Variants in ATP11A observed in about 807,000 individuals in gnomAD.
ATP11A encodes the protein phospholipid-transporting ATPase IH.
A neutral mutation model predicts 154.4 loss-of-function variants in ATP11A; 81 were observed. The observed-to-expected ratio is 0.52, with a 90% CI of 0.44 to 0.63. The LOEUF (loss-of-function observed/expected upper bound fraction) is 0.63, where lower values mean the gene tolerates loss of function less well. Among genes scored for constraint, ATP11A ranks in the 30% least tolerant of loss-of-function variants. ATP11A has a pLI of 0.00. For missense variants in ATP11A, 1,316 were observed against 1,474.3 expected (o/e 0.89, Z 1.76); for synonymous variants, 623 against 585.9 (o/e 1.06, Z -0.91).
chr13:112,754,536 C>T lies in ATP11A; in HGVS notation c.40-30599C>T. ...TTGGAAAGTGGTGCTTAGAGCCAGG[C>T]AGGACTCACTGCGGCTCCTGTGCTC... On this transcript the variant is annotated intron_variant, in intron 1 of 29. Coordinates refer to ENST00000375645, the MANE Select transcript of ATP11A (RefSeq NM_015205.3). This position sits in a 1 kb window ranked among gnomAD's most constrained non-coding sequence, Gnocchi z 5.3. 1 of 162,342 alleles carries T rather than the reference C, an allele frequency of 6.2e-6. No individual in the cohort carries two copies. The highest frequency in any genetic ancestry group is 1.7e-4 in the East Asian group (1 of 5,792). 10.1% of individuals were successfully genotyped at this position (162,342 alleles called of 1,614,324 possible).
At chr13:112,742,305 G>T (rs1891646124) in intron 1 of ATP11A, among the ~76,000 whole-genome samples, 1 of 152,170 alleles carries the variant, frequency 6.6e-6, no homozygotes, top group African/African-American at 2.4e-5. Context: ...TGTGGAAGGG[G>T]GTGCTGTCCT....
chr13:112,716,013 CAGGCTGGCTCTGTGGGGGCCTG>C (rs1408324721), intron 1 of ATP11A, among the ~76,000 whole-genome samples: 9 of 152,172 alleles, frequency 5.9e-5, no homozygotes, highest in Non-Finnish European at 1.3e-4. Flanking sequence ...CAGCTCTGGG[CAGGCTGGCTCTGTGGGGGCCTG>C]GGGGTGGCTC....
At chr13:112,835,869 C>T (rs926748297) in intron 15 of ATP11A, among the ~76,000 whole-genome samples, 3 of 152,256 alleles carry the variant, frequency 2.0e-5, no homozygotes, top group South Asian at 2.1e-4. Flanking sequence ...GGGAGGGAGT[C>T]GGTGCGTAGG....
At chr13:112,826,672 C>A in intron 11 of ATP11A, 22 bp from the exon 12 acceptor site, 1 of 1,607,704 alleles carries the variant, frequency 6.2e-7, no homozygotes, top group Non-Finnish European at 8.5e-7. Context: ...GAGGTGCTGA[C>A]CCGCACCTTC....
Position 112,859,059 on chromosome 13 carries a change from C to CT in ATP11A, c.2668-331dup. 1 of 305,074 alleles carries CT rather than the reference C, an allele frequency of 3.3e-6. No homozygotes were observed. Among genetic ancestry groups the CT allele is most frequent in the Non-Finnish European group, 6.3e-6 (1 of 157,566 alleles). The allele number at this position is 305,074 out of a possible 1,614,324, so 18.9% of individuals were successfully genotyped here. A position where few individuals can be genotyped will look rare whatever the true frequency, so the allele number is the denominator to read the frequency against. On this transcript the variant is annotated intron_variant, in intron 22 of 29. Coordinates refer to ENST00000375645, the MANE Select transcript of ATP11A (RefSeq NM_015205.3). This position sits in a 1 kb window ranked among gnomAD's most constrained non-coding sequence, Gnocchi z 4.3. ...AATTGAGTGTGGAACCAGTGAGAACCTTTCAGGTGGAAATGTTTGAGGAAG... is the reference window on the plus strand; with the variant it reads ...AATTGAGTGTGGAACCAGTGAGAACCTTTTCAGGTGGAAATGTTTGAGGAAG...
At chr13:112,856,223 A>C in intron 20 of ATP11A, 138 bp downstream of exon 20, 2 of 864,136 alleles carry the variant, frequency 2.3e-6, no homozygotes, top group Non-Finnish European at 3.4e-6. Context: ...ACCGTGATAG[A>C]GATTTAAAAC....
At chr13:112,803,815 CTT>C (rs2078213525) in intron 2 of ATP11A, among the ~76,000 whole-genome samples, 1 of 103,008 alleles carries the variant, frequency 9.7e-6, no homozygotes, top group African/African-American at 4.2e-5. Context: ...CCCTCCCCTC[CTT>C]CCTCTCCTTC....
intron 1 of ATP11A, among the ~76,000 whole-genome samples, chr13:112,724,166 T>G (rs1889551518): frequency 9.3e-6 from 1 of 108,058 alleles, no homozygotes; most frequent in African/African-American, 3.6e-5. Flanking sequence ...ATTGCCCCCT[T>G]CTCCCCCATC....
At position 112,810,608 on chromosome 13, in the gene ATP11A, C is replaced by A. The variant is rs985477926; in HGVS notation, c.334-11C>A. 6.2e-7 allele frequency: 1 copy of A among 1,610,862 alleles called. No individual in the cohort carries two copies. Among genetic ancestry groups the A allele is most frequent in the Non-Finnish European group, 8.5e-7 (1 of 1,177,448 alleles). ...TGCTTCCTCTCTCCCTTCTTTCCTT[C>A]CTTTTTTTAGGGTTATGAAGACTGG... On this transcript the variant is annotated splice_polypyrimidine_tract_variant and intron_variant, in intron 4 of 29. Transcript: ENST00000375645.
chr13:112,820,519 A>G (rs980024551), intron 8 of ATP11A, among the ~76,000 whole-genome samples: 2 of 152,146 alleles, frequency 1.3e-5, no homozygotes, highest in African/African-American at 4.8e-5. Flanking sequence ...CGGCAGTCAC[A>G]TCGCATACCC....
At chr13:112,757,642 T>G (rs428270) in intron 1 of ATP11A, among the ~76,000 whole-genome samples, 37,303 of 152,184 alleles carry the variant, frequency 0.25, 6,099 homozygotes, top group African/African-American at 0.46. Flanking sequence ...GTCTCATCCC[T>G]CAAGGGAAGG....
chr13:112,708,366 C>T (rs1381958774), intron 1 of ATP11A, among the ~76,000 whole-genome samples: 3 of 152,034 alleles, frequency 2.0e-5, no homozygotes, highest in Non-Finnish European at 4.4e-5. Context: ...GGTCCGAAAC[C>T]GTAATTACCT....
rs554052839 is a variant in ATP11A, at chr13:112,756,171, C to T, written c.40-28964C>T. Among the ~76,000 whole-genome samples, 1,422 of 152,204 alleles carry T rather than the reference C, an allele frequency of 9.3e-3. 21 individuals carry two copies. The highest frequency in any genetic ancestry group is 0.031 in the African/African-American group (1,306 of 41,512). ...ATAATGATATCCTTACAACATTAAA[C>T]TACAAAGCCAAAACCAAAATACAAA... On this transcript the variant is annotated intron_variant, in intron 1 of 29. Coordinates refer to ENST00000375645, the MANE Select transcript of ATP11A (RefSeq NM_015205.3).
intron 25 of ATP11A, among the ~76,000 whole-genome samples, chr13:112,868,391 C>A (rs1442188506): frequency 6.6e-6 from 1 of 152,172 alleles, no homozygotes; most frequent in East Asian, 1.9e-4. Flanking sequence ...CAGAAAGCTT[C>A]TATAGGAATA....
At chr13:112,881,525 C>G in intron 29 of ATP11A, 1 of 1,132,302 alleles carries the variant, frequency 8.8e-7, no homozygotes, top group Non-Finnish European at 1.1e-6. Context: ...GCCTGTATCC[C>G]TGGGGCCCCT....
intron 1 of ATP11A, among the ~76,000 whole-genome samples, chr13:112,714,656 G>A (rs1170581814): frequency 6.6e-6 from 1 of 152,240 alleles, no homozygotes; most frequent in Admixed American, 6.5e-5. Flanking sequence ...GCAAGAGAAT[G>A]TGAAGGTGAA....
At position 112,834,624 on chromosome 13, in the gene ATP11A, A is replaced by T. The variant is rs1242936886; in HGVS notation, c.1595A>T (p.Tyr532Phe). 6.2e-7 allele frequency: 1 copy of T among 1,614,104 alleles called. No individual in the cohort carries two copies. The highest frequency in any genetic ancestry group is 8.5e-7 in the Non-Finnish European group (1 of 1,179,930). Residue 532 changes from tyrosine (Y) to phenylalanine (F), a missense_variant, in exon 15 of 30, where the codon TAC (tyrosine) becomes TTC (phenylalanine). By Grantham distance (22) the Tyr-to-Phe change is conservative. Coordinates refer to ENST00000375645, the MANE Select transcript of ATP11A (RefSeq NM_015205.3). ...ACCTACCTAAGGCTGAAGGACAATT[A>T]CATGGAGATATTAAACAGGGAGAAC... ...GFTYLRLKDN[Y>F]MEILNRENHI...
chr13:112,708,437 A>G (rs1325688038), intron 1 of ATP11A, among the ~76,000 whole-genome samples: 2 of 151,260 alleles, frequency 1.3e-5, no homozygotes, highest in African/African-American at 2.4e-5. Flanking sequence ...TGGAGTAATT[A>G]TATATTTTAC....
Position 112,810,690 on chromosome 13 carries a change from C to A in ATP11A, c.405C>A (p.His135Gln), listed in dbSNP as rs184124766. The A allele has an allele frequency of 3.7e-6, 6 of 1,614,056 alleles. No individual in the cohort carries two copies. The African/African-American group carries it at 8.0e-5, about 22-fold the overall frequency. Residue 135 changes from histidine to glutamine, a missense_variant, in exon 5 of 30, where the codon CAC becomes CAA. His to Gln is a conservative substitution (Grantham distance 24, BLOSUM62 0). Coordinates refer to ENST00000375645, the MANE Select transcript of ATP11A (RefSeq NM_015205.3). ...MNQCPVHFIQ[H>Q]GKLVRKQSRK... ...AGTGTCCTGTTCATTTCATTCAGCA[C>A]GGCAAGCTCGTTCGGAAACAAAGTC...
Sources: gnomAD v4.1 joint callset for allele counts (sites outside exome capture counted in the v4.1 genomes callset) on GRCh38, gnomAD v4.1.1 for gene constraint, Gnocchi (gnomAD v3.1) non-coding constraint, MANE v1.5 for transcripts, NCBI Gene and HGNC (gene_info 2026-07-23, HGNC 2026-07-21) for gene names.